SLC16A9: variants seen among roughly 807,000 people sequenced by gnomAD.
The protein encoded by SLC16A9 is solute carrier family 16 member 9.
A neutral mutation model predicts 44.3 loss-of-function variants in SLC16A9; 26 were observed. The observed-to-expected ratio is 0.59, with a 90% CI of 0.43 to 0.81. The LOEUF is 0.81. Among genes scored for constraint, SLC16A9 ranks in the 40% least tolerant of loss-of-function variants. SLC16A9 has a pLI of 0.00. For missense variants in SLC16A9, 559 were observed against 595.8 expected, an observed-to-expected ratio of 0.94 and a Z score of 0.64; for synonymous variants, 230 against 225.1, an observed-to-expected ratio of 1.02 and a Z score of -0.19.
At chr10:59,683,989 G>T in intron 2 of SLC16A9, 107 bp downstream of exon 2, 1 of 867,464 alleles carries the variant, frequency 1.2e-6, no homozygotes, top group Non-Finnish European at 1.7e-6. Context: ...GAAAAGATAT[G>T]TTATACTTTG....
At chr10:59,704,925 C>T (rs1840605590) in intron 1 of SLC16A9, among the ~76,000 whole-genome samples, 1 of 152,076 alleles carries the variant, frequency 6.6e-6, no homozygotes, top group South Asian at 2.1e-4. Flanking sequence ...TACTGTATTA[C>T]CTTCATAATA....
intron 1 of SLC16A9, among the ~76,000 whole-genome samples, chr10:59,685,773 C>G (rs1169245790): frequency 6.6e-6 from 1 of 152,172 alleles, no homozygotes; most frequent in Admixed American, 6.5e-5. Context: ...AAGGAATATA[C>G]ATTTGTAATT....
At chr10:59,691,175 A>C (rs552337426) in intron 1 of SLC16A9, among the ~76,000 whole-genome samples, 1 of 152,224 alleles carries the variant, frequency 6.6e-6, no homozygotes, top group African/African-American at 2.4e-5. Flanking sequence ...CCATGCATAC[A>C]TTCAACGTTT....
At chr10:59,660,276 G>T (rs368209677) in intron 4 of SLC16A9, among the ~76,000 whole-genome samples, 1 of 152,232 alleles carries the variant, frequency 6.6e-6, no homozygotes, top group East Asian at 1.9e-4. Flanking sequence ...AGTAAGAAAA[G>T]AGAGAAGAAT....
Position 59,672,843 on chromosome 10 carries a change from C to T in SLC16A9, c.267G>A (p.Val89=). Residue 89 remains valine, a synonymous_variant, in exon 3 of 6, where the codon GTG becomes GTA. Coordinates refer to ENST00000395348, the MANE Select transcript of SLC16A9 (RefSeq NM_194298.3). Reference sequence around the variant, plus strand: ...AACTGCTCAACATCAGGCCTCCAGCCACCATGAAGCCACTGAAGATTGTGA... The same window carrying T: ...AACTGCTCAACATCAGGCCTCCAGCTACCATGAAGCCACTGAAGATTGTGA... ...RPVTIFSGFM[V]AGGLMLSSFA... is the part of the protein sequence containing the mutation. 1 of 1,613,694 alleles carries T rather than the reference C, an allele frequency of 6.2e-7. No homozygotes were observed. The highest frequency in any genetic ancestry group is 8.5e-7 in the Non-Finnish European group (1 of 1,179,792).
Position 59,684,935 on chromosome 10 carries a change from A to G in SLC16A9, c.-36-608T>C, listed in dbSNP as rs116524975. Among the ~76,000 whole-genome samples, 663 of 152,242 alleles carry G rather than the reference A, an allele frequency of 4.4e-3. 5 individuals are homozygous for G. The highest frequency in any genetic ancestry group is 0.015 in the African/African-American group (616 of 41,532). On this transcript the variant is annotated intron_variant, in intron 1 of 5. Coordinates refer to ENST00000395348, the MANE Select transcript of SLC16A9 (RefSeq NM_194298.3). Reference sequence around the variant, plus strand: ...ATCTGAGGTGAGGCGGCTCCCTTCAAAGGAGGCAATCTATCCCCATAAGGG... The same window carrying G: ...ATCTGAGGTGAGGCGGCTCCCTTCAGAGGAGGCAATCTATCCCCATAAGGG...
intron 3 of SLC16A9, 133 bp downstream of exon 3, chr10:59,672,637 G>T: frequency 1.1e-6 from 1 of 919,148 alleles, no homozygotes; most frequent in Non-Finnish European, 1.6e-6. Context: ...AGTTTTTGGA[G>T]AAGTGGTTAT....
At chr10:59,675,432 A>G (rs905405051) in intron 2 of SLC16A9, among the ~76,000 whole-genome samples, 5 of 152,354 alleles carry the variant, frequency 3.3e-5, no homozygotes, top group Admixed American at 2.0e-4. Flanking sequence ...CGCCTCACCC[A>G]GGAATTTCCA....
chr10:59,684,312 C>T lies in SLC16A9; in HGVS notation c.-21G>A, dbSNP rs774952163. ...TCCATTGTAAGACAAAATCAGGAGGCGTTTCTCTGCAGGTCCTAAACAAAA... is the reference window on the plus strand; with the variant it reads ...TCCATTGTAAGACAAAATCAGGAGGTGTTTCTCTGCAGGTCCTAAACAAAA... On this transcript the variant is annotated 5_prime_UTR_variant, in exon 2 of 6. Coordinates refer to ENST00000395348, the MANE Select transcript of SLC16A9 (RefSeq NM_194298.3). The T allele has an allele frequency of 4.4e-6, 7 of 1,603,110 alleles. No individual in the cohort carries two copies. Among genetic ancestry groups the T allele is most frequent in the African/African-American group, 1.3e-5 (1 of 74,548 alleles).
At chr10:59,656,510 T>A (rs2126777) in intron 4 of SLC16A9, among the ~76,000 whole-genome samples, 146,893 of 152,334 alleles carry the variant, frequency 0.96, 71,062 homozygotes, top group East Asian at 1. Context: ...GAATGGGGAA[T>A]ATCAAATTAC....
At chr10:59,655,407 T>A (rs1013620246) in intron 4 of SLC16A9, among the ~76,000 whole-genome samples, 1 of 152,258 alleles carries the variant, frequency 6.6e-6, no homozygotes, top group African/African-American at 2.4e-5. Flanking sequence ...AAAGTAAATT[T>A]TCATATTTTA....
chr10:59,661,666 A>G (rs957115779), intron 4 of SLC16A9, among the ~76,000 whole-genome samples: 12 of 152,208 alleles, frequency 7.9e-5, no homozygotes, highest in African/African-American at 2.9e-4. Flanking sequence ...TTCATATGGA[A>G]GCAAAAAAGA....
At chr10:59,671,923 T>C (rs1365276546) in intron 3 of SLC16A9, among the ~76,000 whole-genome samples, 1 of 152,226 alleles carries the variant, frequency 6.6e-6, no homozygotes, top group Non-Finnish European at 1.5e-5. Context: ...GTCCCTAGCA[T>C]ATGATAAGTA....
At position 59,654,201 on chromosome 10, in the gene SLC16A9, C is replaced by G. The variant is rs1771445945; in HGVS notation, c.825G>C (p.Gln275His). 1 of 1,614,000 alleles carries G rather than the reference C, an allele frequency of 6.2e-7. No individual in the cohort carries two copies. The change falls in exon 5 of 6, where the codon CAG becomes CAC. Residue 275 changes from glutamine (Q) to histidine (H), a missense_variant. Physicochemically the swap from Gln to His is conservative, Grantham distance 24 (BLOSUM62 0). Coordinates refer to ENST00000395348, the MANE Select transcript of SLC16A9 (RefSeq NM_194298.3). ...PETYKKKVAE[Q>H]TYFCKQLAKR... is the part of the protein sequence containing the mutation. ...TGGCAAGCTGTTTGCAAAAATATGT[C>G]TGTTCTGCAACTTTCTTTTTGTACG...
intron 2 of SLC16A9, among the ~76,000 whole-genome samples, chr10:59,675,167 G>C (rs551263586): frequency 6.6e-6 from 1 of 152,130 alleles, no homozygotes; most frequent in Non-Finnish European, 1.5e-5. Flanking sequence ...TGAAATTTTG[G>C]AAGTTGAAAA....
chr10:59,684,660 T>G (rs1840094610), intron 1 of SLC16A9, among the ~76,000 whole-genome samples: 1 of 152,054 alleles, frequency 6.6e-6, no homozygotes, highest in African/African-American at 2.4e-5. Context: ...TTTAGTTTCT[T>G]GGGTTCCCTA....
At chr10:59,677,976 G>A (rs1428549612) in intron 2 of SLC16A9, among the ~76,000 whole-genome samples, 3 of 151,594 alleles carry the variant, frequency 2.0e-5, no homozygotes, top group South Asian at 4.2e-4. Flanking sequence ...ATGCTGGTGC[G>A]CTGCACCCAC....
intron 3 of SLC16A9, among the ~76,000 whole-genome samples, chr10:59,670,645 A>G (rs181596058): frequency 7.2e-5 from 11 of 152,250 alleles, no homozygotes; most frequent in Non-Finnish European, 1.3e-4. Flanking sequence ...ACAGAATTGC[A>G]TCTTACAAAT....
At chr10:59,688,647 C>G (rs962517521) in intron 1 of SLC16A9, among the ~76,000 whole-genome samples, 16 of 151,822 alleles carry the variant, frequency 1.1e-4, no homozygotes, top group African/African-American at 3.9e-4. Flanking sequence ...TTTACAATTT[C>G]TGTCCAGAAT....
Sources: gnomAD v4.1 joint callset for allele counts (sites outside exome capture counted in the v4.1 genomes callset) on GRCh38, gnomAD v4.1.1 for gene constraint, MANE v1.5 for transcripts, NCBI Gene and HGNC (gene_info 2026-07-23, HGNC 2026-07-21) for gene names.